Variants in DNAH8 observed in about 807,000 individuals in gnomAD.
The protein encoded by DNAH8 is dynein axonemal heavy chain 8.
Under a neutral mutation model 562.1 loss-of-function variants are expected in DNAH8, and 382 were observed. That is an observed-to-expected ratio of 0.68 (90% CI 0.63 to 0.74). The LOEUF (loss-of-function observed/expected upper bound fraction) is 0.74. DNAH8 is among the 30% of genes least tolerant of loss of function. The pLI is 0.00. For synonymous variants in DNAH8, 1,881 were observed against 1,919.4 expected (o/e 0.98, Z 0.52); for missense variants, 5,203 against 5,620.4 (o/e 0.93, Z 2.37).
chr6:38,875,604 T>C lies in DNAH8; in HGVS notation c.7634T>C (p.Leu2545Pro), dbSNP rs1321507805. The C allele has an allele frequency of 3.1e-6, 5 of 1,593,116 alleles. No individual in the cohort carries two copies. Among genetic ancestry groups the C allele is most frequent in the Non-Finnish European group, 4.3e-6 (5 of 1,167,268 alleles). Residue 2545 changes from leucine to proline, a missense_variant, in exon 53 of 93, where the codon CTG becomes CCG. This residue lies in a region of DNAH8 where 977 missense variants were observed against 1,061.8 expected (regional missense o/e 0.92). Transcript: ENST00000327475. Reference protein sequence around the residue: ...CNYIVQSLNLLEGLIPSKEEG... With the variant: ...CNYIVQSLNLPEGLIPSKEEG... The stretch of plus-strand genomic sequence containing the variant: ...AAACATTTTCAGTCTCTCAATCTTC[T>C]GGAAGGGTTAATTCCCTCCAAAGAA...
chr6:38,974,614 A>G (rs1763554525), intron 85 of DNAH8, 85 bp downstream of exon 85: 12 of 1,083,686 alleles, frequency 1.1e-5, no homozygotes, highest in African/African-American at 4.7e-5. Flanking sequence ...GGAGGGTGCT[A>G]TCCGTTGCCG....
rs1344044208 is a variant in DNAH8 at position 38,949,439 on chromosome 6, T to C, written c.12130-13T>C. On this transcript the variant is annotated splice_polypyrimidine_tract_variant and intron_variant, in intron 80 of 92. Transcript: ENST00000327475. ...ATAGTTCTGTGGCTTGCTAATTGGC[T>C]TGCTTCTTTTAGATATCTCGTAATG... 1 of 1,539,668 alleles carries C rather than the reference T, an allele frequency of 6.5e-7. No homozygotes were observed. Among genetic ancestry groups the C allele is most frequent in the East Asian group, 2.2e-5 (1 of 44,448 alleles).
At chr6:38,822,600 C>T (rs889510897) in intron 26 of DNAH8, among the ~76,000 whole-genome samples, 1 of 152,084 alleles carries the variant, frequency 6.6e-6, no homozygotes, top group Admixed American at 6.6e-5. Flanking sequence ...TTATCCTCTC[C>T]GAATAACAGT....
At chr6:38,716,868 G>A (rs1389861032) in intron 1 of DNAH8, 1 of 152,190 alleles carries the variant, frequency 6.6e-6, no homozygotes, top group Non-Finnish European at 1.5e-5. Flanking sequence ...ATTCCTAGGA[G>A]GGGAGGAGTT....
chr6:38,990,349 C>T lies in DNAH8; in HGVS notation c.13214+177C>T, dbSNP rs9349105. Among the ~76,000 whole-genome samples the T allele has an allele frequency of 0.4, 60,403 of 151,856 alleles. 12,422 individuals are homozygous for T. The highest frequency in any genetic ancestry group is 0.45 in the Non-Finnish European group (30,849 of 67,942). ...ACTTTGTCATATCTTGGCCTGCTCT[C>T]CTCTCACTAAATCCTGATGCTCCAG... is the stretch of plus-strand genomic sequence containing the variant. On this transcript the variant is annotated intron_variant, in intron 88 of 92. Coordinates refer to ENST00000327475, the MANE Select transcript of DNAH8 (RefSeq NM_001206927.2).
intron 88 of DNAH8, among the ~76,000 whole-genome samples, chr6:38,996,116 A>C (rs1765115322): frequency 6.6e-6 from 1 of 152,096 alleles, no homozygotes; most frequent in South Asian, 2.1e-4. Flanking sequence ...CAGAGTAACA[A>C]AATTTGTTGC....
In DNAH8 at chr6:38,803,251, A is replaced by C. The variant is rs1770945472; in HGVS notation, c.2974A>C (p.Ile992Leu). The C allele has an allele frequency of 6.2e-7, 1 of 1,610,076 alleles. No individual in the cohort carries two copies. ...KHVEEAVRELISIFEQIYEVK... is the reference protein window; with the variant it reads ...KHVEEAVRELLSIFEQIYEVK... ...TGTGGAAGAAGCTGTCAGAGAACTT[A>C]TATCAATATTTGAGCAGATTTATGA... is the stretch of plus-strand genomic sequence containing the variant. The change falls in exon 22 of 93, where the codon ATA becomes CTA. Residue 992 changes from isoleucine to leucine, a missense_variant. By Grantham distance (5) the Ile-to-Leu change is conservative. Transcript: ENST00000327475.
At chr6:38,848,566 T>G in intron 36 of DNAH8, 82 bp from the exon 37 acceptor site, 1 of 1,118,218 alleles carries the variant, frequency 8.9e-7, no homozygotes. Flanking sequence ...AAGTAATATT[T>G]CTTCTGGAAT....
In DNAH8 at chr6:38,815,596, C is replaced by T; in HGVS notation, c.3462C>T (p.Pro1154=). 1 of 1,613,970 alleles carries T rather than the reference C, an allele frequency of 6.2e-7. No individual in the cohort carries two copies. The highest frequency in any genetic ancestry group is 8.5e-7 in the Non-Finnish European group (1 of 1,179,922). The change falls in exon 26 of 93, where the codon CCC becomes CCT. Residue 1154 remains proline, a synonymous_variant. Transcript: ENST00000327475. ...TCCGTCCCATCAAGTCTGTCATTCC[C>T]AGCCCCACCACTACTGACGTGACCC... The part of the protein sequence containing the change: ...QQIRPIKSVI[P]SPTTTDVTHQ...
intron 60 of DNAH8, 57 bp from the exon 61 acceptor site, chr6:38,898,201 C>A: frequency 6.8e-7 from 1 of 1,465,712 alleles, no homozygotes; most frequent in African/African-American, 1.5e-5. Flanking sequence ...ACAATTGCTA[C>A]TTTAATACAT....
intron 22 of DNAH8, 80 bp from the exon 23 acceptor site, chr6:38,805,401 C>G (rs978084050): frequency 2.4e-6 from 2 of 846,372 alleles, no homozygotes; most frequent in Admixed American, 4.6e-5. Context: ...AAGGAACTTC[C>G]TAAGAGGATT....
At chr6:38,721,727 GA>G (rs1762772042) in intron 1 of DNAH8, among the ~76,000 whole-genome samples, 1 of 152,156 alleles carries the variant, frequency 6.6e-6, no homozygotes, top group Admixed American at 6.5e-5. Context: ...AGCTGTTTAT[GA>G]GTTCTCTGGA....
chr6:38,935,350 G>A (rs1477261698), intron 76 of DNAH8, among the ~76,000 whole-genome samples: 1 of 152,338 alleles, frequency 6.6e-6, no homozygotes, highest in East Asian at 1.9e-4. Flanking sequence ...TAGCAGAATT[G>A]TCTGGTGCCT....
chr6:38,779,066 C>T (rs1235764646), intron 14 of DNAH8, among the ~76,000 whole-genome samples: 2 of 152,148 alleles, frequency 1.3e-5, no homozygotes, highest in African/African-American at 2.4e-5. Context: ...TCTATCCTAA[C>T]AGCACTACTC....
chr6:38,850,673 C>CA (rs1206816701), intron 38 of DNAH8, among the ~76,000 whole-genome samples: 1 of 152,192 alleles, frequency 6.6e-6, no homozygotes, highest in African/African-American at 2.4e-5. Context: ...AATTCATTCT[C>CA]ACAGTTGTGG....
intron 87 of DNAH8, among the ~76,000 whole-genome samples, chr6:38,988,967 T>C (rs1461867200): frequency 6.6e-6 from 1 of 152,244 alleles, no homozygotes; most frequent in African/African-American, 2.4e-5. Context: ...GGTCACAAGC[T>C]CCTTGAAAGA....
intron 76 of DNAH8, chr6:38,932,757 A>G (rs1199608858): frequency 7.2e-5 from 11 of 152,234 alleles, no homozygotes; most frequent in Admixed American, 7.2e-4. Context: ...GAAAACAGAC[A>G]GAGGAGGGAA....
intron 11 of DNAH8, chr6:38,763,687 GT>G (rs1289539517): frequency 1.2e-5 from 2 of 163,848 alleles, no homozygotes; most frequent in African/African-American, 4.8e-5. Context: ...CGCACCTGTA[GT>G]CCCAGCAACT....
intron 10 of DNAH8, among the ~76,000 whole-genome samples, chr6:38,757,782 G>A (rs192498826): frequency 7.2e-5 from 11 of 152,174 alleles, no homozygotes; most frequent in South Asian, 4.2e-4. Flanking sequence ...ATAGGGAATC[G>A]TTTCCCCATT....
Sources: allele counts gnomAD v4.1 joint callset (sites outside exome capture counted in the v4.1 genomes callset), GRCh38; gene constraint gnomAD v4.1.1; regional missense constraint gnomAD v4.1.1; transcripts MANE v1.5; gene names NCBI Gene and HGNC (gene_info 2026-07-23, HGNC 2026-07-21).